Variants in CCDC126 observed in about 807,000 individuals in gnomAD.
The protein encoded by CCDC126 is coiled-coil domain-containing protein 126.
Under a neutral mutation model 11.7 loss-of-function variants are expected in CCDC126, and 5 were observed. The ratio of observed to expected loss-of-function variants is 0.43; its 90% CI spans 0.22 to 0.90. The LOEUF (loss-of-function observed/expected upper bound fraction) is 0.90, where lower values mean the gene tolerates loss of function less well. Ranked by LOEUF, CCDC126 falls within the 40% of genes least tolerant of loss-of-function variation. CCDC126 has a pLI of 0.27. For missense variants in CCDC126, 150 were observed against 163.1 expected (o/e 0.92, Z 0.44); for synonymous variants, 60 against 61.9 (o/e 0.97, Z 0.14).
rs778528433 is a variant in CCDC126 at position 23,611,283 on chromosome 7, T to G, written c.-33T>G. 3.1e-5 allele frequency: 43 copies of G among 1,381,914 alleles called. No individual in the cohort carries two copies. The highest frequency in any genetic ancestry group is 4.2e-5 in the Non-Finnish European group (41 of 974,132). 85.6% of individuals were successfully genotyped at this position (1,381,914 alleles called of 1,614,324 possible). ...TGTGGCTTACCTCAAGTTACCATTT[T>G]TCAGTCAAGTCTGTTTGTTTGCTTC... On this transcript the variant is annotated 5_prime_UTR_variant, in exon 3 of 4. Coordinates refer to ENST00000307471, the MANE Select transcript of CCDC126 (RefSeq NM_138771.4).
intron 3 of CCDC126, among the ~76,000 whole-genome samples, chr7:23,641,918 C>A (rs778505169): frequency 6.6e-6 from 1 of 152,222 alleles, no homozygotes; most frequent in Admixed American, 6.5e-5. Context: ...TAGGCTCCCC[C>A]ACAACTCCAC....
Position 23,617,120 on chromosome 7 carries a change from G to T in CCDC126, c.238+5567G>T, listed in dbSNP as rs184175717. On this transcript the variant is annotated intron_variant, in intron 3 of 3. Coordinates refer to ENST00000307471, the MANE Select transcript of CCDC126 (RefSeq NM_138771.4). ...TCCTAGCACTTTGGGAGGCTGGGCA[G>T]GTGGGTCACTTGACGTTAGGAGTTC... Among the ~76,000 whole-genome samples the T allele has an allele frequency of 8.0e-4, 122 of 152,026 alleles. 1 individual carries two copies. The highest frequency in any genetic ancestry group is 1.7e-3 in the Admixed American group (26 of 15,238).
At chr7:23,621,589 T>G (rs1210571736) in intron 3 of CCDC126, among the ~76,000 whole-genome samples, 1 of 152,230 alleles carries the variant, frequency 6.6e-6, no homozygotes, top group African/African-American at 2.4e-5. Flanking sequence ...CCTGCCTGAT[T>G]GCCCTGGCCA....
At chr7:23,612,679 A>G (rs1310036154) in intron 3 of CCDC126, among the ~76,000 whole-genome samples, 1 of 152,026 alleles carries the variant, frequency 6.6e-6, no homozygotes, top group African/African-American at 2.4e-5. Flanking sequence ...TCTCTTAAGA[A>G]AAGTCTAAAA....
At chr7:23,621,294 C>T (rs1274779259) in intron 3 of CCDC126, among the ~76,000 whole-genome samples, 3 of 152,126 alleles carry the variant, frequency 2.0e-5, no homozygotes, top group Non-Finnish European at 1.5e-5. Flanking sequence ...AGGTCCTTCA[C>T]ATCCCTTGTA....
rs141417228 is a variant in CCDC126 at position 23,617,075 on chromosome 7, G to A, written c.238+5522G>A. On this transcript the variant is annotated intron_variant, in intron 3 of 3. Coordinates refer to ENST00000307471, the MANE Select transcript of CCDC126 (RefSeq NM_138771.4). ...CTAAGAGCTATCTTTTGGGCTGGGC[G>A]CGGTGGCTCACCCCTGTAATCCTAG... Among the ~76,000 whole-genome samples, 1,311 of 151,792 alleles carry A rather than the reference G, an allele frequency of 8.6e-3. 19 individuals are homozygous for A. The highest frequency in any genetic ancestry group is 0.03 in the African/African-American group (1,261 of 41,358).
chr7:23,628,813 C>T (rs1396596333), intron 3 of CCDC126, among the ~76,000 whole-genome samples: 1 of 152,176 alleles, frequency 6.6e-6, no homozygotes, highest in Non-Finnish European at 1.5e-5. Context: ...TCATCATCCC[C>T]AGTGAGTATG....
chr7:23,643,191 C>A lies in CCDC126; in HGVS notation c.*76C>A. 1.5e-6 allele frequency: 2 copies of A among 1,297,130 alleles called. No homozygotes were observed. The highest frequency in any genetic ancestry group is 2.1e-6 in the Non-Finnish European group (2 of 932,866). 80.4% of individuals were successfully genotyped at this position (1,297,130 alleles called of 1,614,324 possible). A position where few individuals can be genotyped will look rare whatever the true frequency, so the allele number is the denominator to read the frequency against. Reference sequence around the variant, plus strand: ...GGCAGAAAAGCTTTATAATTGCTGGCTTAGGACAGAGCAATACTTTACAAT... The same window carrying A: ...GGCAGAAAAGCTTTATAATTGCTGGATTAGGACAGAGCAATACTTTACAAT... On this transcript the variant is annotated 3_prime_UTR_variant, in exon 4 of 4. Coordinates refer to ENST00000307471, the MANE Select transcript of CCDC126 (RefSeq NM_138771.4).
chr7:23,636,030 T>C (rs1293232998), intron 3 of CCDC126, among the ~76,000 whole-genome samples: 1 of 151,818 alleles, frequency 6.6e-6, no homozygotes, highest in Non-Finnish European at 1.5e-5. Flanking sequence ...GCCTGACTGG[T>C]TTTCGTTTTT....
chr7:23,624,177 T>C (rs1035337532), intron 3 of CCDC126, among the ~76,000 whole-genome samples: 1 of 152,238 alleles, frequency 6.6e-6, no homozygotes, highest in African/African-American at 2.4e-5. Context: ...ATCTTTAGCC[T>C]TGTGGATTTG....
In CCDC126 at chr7:23,611,303, T is replaced by C. The variant is rs768503372; in HGVS notation, c.-13T>C. 1 of 1,538,994 alleles carries C rather than the reference T, an allele frequency of 6.5e-7. No individual in the cohort carries two copies. The highest frequency in any genetic ancestry group is 9.0e-7 in the Non-Finnish European group (1 of 1,112,622). On this transcript the variant is annotated 5_prime_UTR_variant, in exon 3 of 4. Coordinates refer to ENST00000307471, the MANE Select transcript of CCDC126 (RefSeq NM_138771.4). ...CATTTTTCAGTCAAGTCTGTTTGTT[T>C]GCTTCTTCAGAAATGTTTTTTACAA...
rs180684642 is a variant in CCDC126, at chr7:23,621,828, A to G, written c.238+10275A>G. 2.7e-3 allele frequency among the ~76,000 whole-genome samples: 413 copies of G among 152,250 alleles called. 3 individuals are homozygous for G. Among genetic ancestry groups the G allele is most frequent in the African/African-American group, 7.9e-3 (327 of 41,556 alleles). ...TTTGTCAAGGGCCTTTTCTGCATCT[A>G]TTGAGATAATCATGTGGTTTTTGTC... On this transcript the variant is annotated intron_variant, in intron 3 of 3. Transcript: ENST00000307471.
chr7:23,638,087 G>T (rs1226044263), intron 3 of CCDC126, among the ~76,000 whole-genome samples: 1 of 131,746 alleles, frequency 7.6e-6, no homozygotes, highest in Non-Finnish European at 1.7e-5. Context: ...GTCCGGGAGG[G>T]TGGTGGGGGG....
intron 2 of CCDC126, among the ~76,000 whole-genome samples, chr7:23,599,220 A>G (rs1252968914): frequency 6.6e-6 from 1 of 152,092 alleles, no homozygotes; most frequent in Non-Finnish European, 1.5e-5. Context: ...TAGCCCCTAT[A>G]CCTGTTGTGC....
intron 2 of CCDC126, 64 bp from the exon 3 acceptor site, chr7:23,611,094 AATATTTTCTTTAT>A: frequency 2.9e-6 from 1 of 345,642 alleles, no homozygotes; most frequent in East Asian, 4.9e-5. Context: ...AAAATTATAG[AATATTTTCTTTAT>A]AGTCGTCTGT....
At chr7:23,604,686 A>G (rs1443031673) in intron 2 of CCDC126, among the ~76,000 whole-genome samples, 8 of 152,190 alleles carry the variant, frequency 5.3e-5, no homozygotes, top group Non-Finnish European at 1.2e-4. Flanking sequence ...TTTTAAAGAT[A>G]TACTATAATT....
chr7:23,616,848 A>C (rs1342113706), intron 3 of CCDC126, among the ~76,000 whole-genome samples: 2 of 151,996 alleles, frequency 1.3e-5, no homozygotes, highest in East Asian at 1.9e-4. Context: ...TTCTTAATTT[A>C]TTAATTTGAT....
At chr7:23,626,624 C>T (rs1223893803) in intron 3 of CCDC126, among the ~76,000 whole-genome samples, 3 of 152,020 alleles carry the variant, frequency 2.0e-5, no homozygotes, top group African/African-American at 7.2e-5. Context: ...GCTTGGTACC[C>T]AATAGTTATC....
intron 3 of CCDC126, among the ~76,000 whole-genome samples, chr7:23,613,105 G>A (rs905834161): frequency 5.9e-5 from 9 of 152,280 alleles, no homozygotes; most frequent in African/African-American, 1.7e-4. Context: ...GAGTCCAGGA[G>A]TTTGAGACCA....
Sources: gnomAD v4.1 joint callset for allele counts (sites outside exome capture counted in the v4.1 genomes callset) on GRCh38, gnomAD v4.1.1 for gene constraint, MANE v1.5 for transcripts, NCBI Gene and HGNC (gene_info 2026-07-23, HGNC 2026-07-21) for gene names.